Variants in RTL1 observed in about 807,000 individuals in gnomAD.
The protein encoded by RTL1 is retrotransposon Gag like 1.
For synonymous variants in RTL1, 727 were observed against 748.4 expected, an observed-to-expected ratio of 0.97 and a Z score of 0.47; for missense variants, 1,681 against 1,767.5, an observed-to-expected ratio of 0.95 and a Z score of 0.88.
At chr14:100,890,074 GAAAA>G (rs55688942) in intron 3 of RTL1, among the ~76,000 whole-genome samples, 36 of 123,892 alleles carry the variant, frequency 2.9e-4, no homozygotes, top group Non-Finnish European at 4.2e-4. Context: ...CGCCTTATTT[GAAAA>G]AAAAAAAAAA....
At chr14:100,899,413 A>G (rs2038911871) in intron 2 of RTL1, among the ~76,000 whole-genome samples, 1 of 152,190 alleles carries the variant, frequency 6.6e-6, no homozygotes, top group African/African-American at 2.4e-5. Flanking sequence ...GGGGAAGGAC[A>G]GGGCTGAGAG....
At chr14:100,894,551 A>G (rs1230272695) in intron 2 of RTL1, 1 of 152,148 alleles carries the variant, frequency 6.6e-6, no homozygotes, top group Non-Finnish European at 1.5e-5. Flanking sequence ...CTTCATATTA[A>G]TCTGCATTGG....
Position 100,903,695 on chromosome 14 carries a change from G to A in RTL1, c.-335C>T, listed in dbSNP as rs1357731037. Among the ~76,000 whole-genome samples, 6 of 152,150 alleles carry A rather than the reference G, an allele frequency of 3.9e-5. No individual in the cohort carries two copies. The highest frequency in any genetic ancestry group is 7.4e-5 in the Non-Finnish European group (5 of 68,014). The stretch of plus-strand genomic sequence containing the variant: ...ACCCTGCTGCTGAAGGCTGCTCAGC[G>A]AGGCTGTGCCGAGTGCTGGGGGGGT... On this transcript the variant is annotated 5_prime_UTR_variant, in exon 1 of 4. Transcript: ENST00000649591.
At chr14:100,887,096 G>A (rs918960610) in intron 3 of RTL1, among the ~76,000 whole-genome samples, 1 of 152,066 alleles carries the variant, frequency 6.6e-6, no homozygotes, top group Non-Finnish European at 1.5e-5. Context: ...CATTTTTATT[G>A]CCTGTAAAGT....
chr14:100,897,810 G>C (rs1257479377), intron 2 of RTL1: 2 of 215,964 alleles, frequency 9.3e-6, no homozygotes, highest in Non-Finnish European at 2.0e-5. Flanking sequence ...GGCGGCAGGT[G>C]TAAGTAATTG....
chr14:100,900,549 C>T (rs2038927760), intron 2 of RTL1, among the ~76,000 whole-genome samples: 1 of 152,208 alleles, frequency 6.6e-6, no homozygotes, highest in South Asian at 2.1e-4. Flanking sequence ...ATCCCATTTC[C>T]TAACTTCCTC....
intron 2 of RTL1, among the ~76,000 whole-genome samples, chr14:100,896,775 A>G (rs1275704242): frequency 6.6e-6 from 1 of 152,128 alleles, no homozygotes; most frequent in Non-Finnish European, 1.5e-5. Context: ...TGTGTTTTGC[A>G]CAGGAATCAA....
intron 2 of RTL1, among the ~76,000 whole-genome samples, chr14:100,896,365 AATTAGTGATCTGTGCGG>A (rs1011493100): frequency 6.6e-6 from 1 of 152,016 alleles, no homozygotes; most frequent in Non-Finnish European, 1.5e-5. Context: ...CCAATTAACC[AATTAGTGATCTGTGCGG>A]ATGGAGACTG....
Position 100,884,629 on chromosome 14 carries a change from CCTGGGCTGGGCCGCTGG to C in RTL1, c.143_159del (p.Ala48GlyfsTer19). ...GGGCCACTGGGGGGCTCCTTCTTTT[CCTGGGCTGGGCCGCTGG>C]CTGGCCCTGCCTCTCCCCGCACTCC... On this transcript the variant is annotated frameshift_variant, in exon 4 of 4. Coordinates refer to ENST00000649591, the MANE Select transcript of RTL1 (RefSeq NM_001134888.3). LOFTEE classifies it low-confidence loss of function (END_TRUNC). 3 of 1,613,734 alleles carry C rather than the reference CCTGGGCTGGGCCGCTGG, an allele frequency of 1.9e-6. No homozygotes were observed. The highest frequency in any genetic ancestry group is 2.5e-6 in the Non-Finnish European group (3 of 1,179,900).
chr14:100,903,182 T>C (rs576913077), intron 2 of RTL1, among the ~76,000 whole-genome samples, 109 bp downstream of exon 2: 71 of 152,264 alleles, frequency 4.7e-4, no homozygotes, highest in Non-Finnish European at 8.7e-4. Flanking sequence ...AGGGCCAGCT[T>C]AGACAGGGGT....
chr14:100,882,029 CGCTTG>C lies in RTL1; in HGVS notation c.2755_2759del (p.Gln919GlyfsTer39). 6.2e-7 allele frequency: 1 copy of C among 1,613,600 alleles called. No homozygotes were observed. The highest frequency in any genetic ancestry group is 8.5e-7 in the Non-Finnish European group (1 of 1,179,870). On this transcript the variant is annotated frameshift_variant, in exon 4 of 4. Transcript: ENST00000649591. LOFTEE classifies it low-confidence loss of function (END_TRUNC). ...CCCGTATTGGAAGAATCTTCATCTC[CGCTTG>C]AGAGTACTCAACCTCGATAGGGGAG...
At chr14:100,889,183 C>CT (rs1397658121) in intron 3 of RTL1, among the ~76,000 whole-genome samples, 1 of 152,196 alleles carries the variant, frequency 6.6e-6, no homozygotes, top group African/African-American at 2.4e-5. Flanking sequence ...TCCCAGGAAA[C>CT]TCAAATTATG....
At position 100,884,022 on chromosome 14, in the gene RTL1, A is replaced by G. The variant is rs1311520949; in HGVS notation, c.767T>C (p.Leu256Pro). The change falls in exon 4 of 4, where the codon CTA becomes CCA. Residue 256 changes from leucine to proline, a missense_variant. Coordinates refer to ENST00000649591, the MANE Select transcript of RTL1 (RefSeq NM_001134888.3). Reference protein sequence around the residue: ...SGLALEWAKALLQENSPLIGD... With the variant: ...SGLALEWAKAPLQENSPLIGD... The stretch of plus-strand genomic sequence containing the variant: ...GATCAGGGGGCTGTTTTCCTGCAGT[A>G]GAGCTTTGGCCCATTCTAATGCCAA... The G allele has an allele frequency of 1.3e-6, 2 of 1,551,624 alleles. No homozygotes were observed. Among genetic ancestry groups the G allele is most frequent in the Admixed American group, 3.9e-5 (2 of 50,994 alleles).
rs566515433 is a variant in RTL1, at chr14:100,886,924, A to G, written c.-86-2050T>C. Among the ~76,000 whole-genome samples the G allele has an allele frequency of 2.6e-5, 4 of 152,336 alleles. No homozygotes were observed. In the South Asian group the frequency reaches 8.3e-4, roughly 32 times the overall value. On this transcript the variant is annotated intron_variant, in intron 3 of 3. Transcript: ENST00000649591. Reference sequence around the variant, plus strand: ...GCTTAACATATTTACAAATTCGACCATGTGAATGATTAAATCCTTCAATGT... The same window carrying G: ...GCTTAACATATTTACAAATTCGACCGTGTGAATGATTAAATCCTTCAATGT...
intron 2 of RTL1, among the ~76,000 whole-genome samples, chr14:100,901,293 G>A (rs2038938528): frequency 6.6e-6 from 1 of 152,192 alleles, no homozygotes; most frequent in Non-Finnish European, 1.5e-5. Flanking sequence ...ATGCACACAC[G>A]CACACGCACA....
At position 100,882,009 on chromosome 14, in the gene RTL1, A is replaced by C. The variant is rs748775302; in HGVS notation, c.2780T>G (p.Ile927Arg). The change falls in exon 4 of 4, where the codon ATA becomes AGA. Residue 927 changes from isoleucine to arginine, a missense_variant. Ile to Arg is a moderately conservative substitution (Grantham distance 97). Transcript: ENST00000649591. Reference sequence around the variant, plus strand: ...GCACCACACCATGAAGGCAGCCCGTATTGGAAGAATCTTCATCTCCGCTTG... The same window carrying C: ...GCACCACACCATGAAGGCAGCCCGTCTTGGAAGAATCTTCATCTCCGCTTG... ...YSQAEMKILP[I>R]RAAFMVWCRY... The C allele has an allele frequency of 6.2e-7, 1 of 1,613,506 alleles. No homozygotes were observed. Among genetic ancestry groups the C allele is most frequent in the Non-Finnish European group, 8.5e-7 (1 of 1,179,846 alleles).
Position 100,880,635 on chromosome 14 carries a change from C to G in RTL1, c.*77G>C, listed in dbSNP as rs897523731. 9 of 1,526,820 alleles carry G rather than the reference C, an allele frequency of 5.9e-6. No individual in the cohort carries two copies. The highest frequency in any genetic ancestry group is 2.8e-5 in the African/African-American group (2 of 72,386). 94.6% of individuals were successfully genotyped at this position (1,526,820 alleles called of 1,614,324 possible). ...AAGGGAAGCGAAGCAGGCTGAGGCG[C>G]GGGGAGGCCAGGGGACGTCGGGAGG... On this transcript the variant is annotated 3_prime_UTR_variant, in exon 4 of 4. Transcript: ENST00000649591.
chr14:100,883,128 C>G lies in RTL1; in HGVS notation c.1661G>C (p.Gly554Ala), dbSNP rs764455618. 3.4e-5 allele frequency: 54 copies of G among 1,611,014 alleles called. No individual in the cohort carries two copies. The highest frequency in any genetic ancestry group is 4.3e-5 in the Non-Finnish European group (51 of 1,178,530). ...LERHGMSLLP[G>A]LPHPYSDLAD... The stretch of plus-strand genomic sequence containing the variant: ...CAGGTCTGAGTATGGGTGTGGCAGT[C>G]CGGGTAGCAGGCTCATGCCGTGCCT... The change falls in exon 4 of 4, where the codon GGA (glycine) becomes GCA (alanine). Residue 554 changes from glycine to alanine, a missense_variant. By Grantham distance (60) the Gly-to-Ala change is moderately conservative. Coordinates refer to ENST00000649591, the MANE Select transcript of RTL1 (RefSeq NM_001134888.3). The surrounding 1 kb of genome is among the most constrained non-coding windows in gnomAD (Gnocchi z 5.9).
In RTL1 at chr14:100,882,336, G is replaced by T. The variant is rs747622651; in HGVS notation, c.2453C>A (p.Pro818His). 3.2e-6 allele frequency: 5 copies of T among 1,551,704 alleles called. No homozygotes were observed. The highest frequency in any genetic ancestry group is 3.5e-6 in the Non-Finnish European group (4 of 1,147,006). Residue 818 changes from proline (P) to histidine (H), a missense_variant, in exon 4 of 4, where the codon CCC becomes CAC. Coordinates refer to ENST00000649591, the MANE Select transcript of RTL1 (RefSeq NM_001134888.3). ...SLRNFIEFVFPYRHFVERFSI... is the reference protein window; with the variant it reads ...SLRNFIEFVFHYRHFVERFSI... ...GAAGCGCTCCACGAAGTGGCGGTAGGGGAAGACGAATTCGATGAAGTTTCG... is the reference window on the plus strand; with the variant it reads ...GAAGCGCTCCACGAAGTGGCGGTAGTGGAAGACGAATTCGATGAAGTTTCG...
Sources: gnomAD v4.1 joint callset for allele counts (sites outside exome capture counted in the v4.1 genomes callset) on GRCh38, gnomAD v4.1.1 for gene constraint, Gnocchi (gnomAD v3.1) non-coding constraint, MANE v1.5 for transcripts, NCBI Gene and HGNC (gene_info 2026-07-23, HGNC 2026-07-21) for gene names.